CSMD1: variants seen among roughly 807,000 people sequenced by gnomAD.
CSMD1 encodes the protein CUB and Sushi multiple domains 1.
Under a neutral mutation model 417.5 loss-of-function variants are expected in CSMD1, and 213 were observed. The observed-to-expected ratio is 0.51, with a 90% confidence interval of 0.46 to 0.57. The LOEUF (loss-of-function observed/expected upper bound fraction) is 0.57. Among genes scored for constraint, CSMD1 ranks in the 20% least tolerant of loss-of-function variants. The probability of loss-of-function intolerance (pLI) is 0.00; values close to 1 mark genes in which losing one functional copy is unlikely to be tolerated. For missense variants in CSMD1, 6,923 were observed against 4,529.7 expected (o/e 1.53, Z -15.17); for synonymous variants, 2,862 against 1,736.8 (o/e 1.65, Z -16.11).
intron 1 of CSMD1, among the ~76,000 whole-genome samples, chr8:4,747,449 G>C (rs563638916): frequency 6.6e-6 from 1 of 152,128 alleles, no homozygotes; most frequent in Non-Finnish European, 1.5e-5. Flanking sequence ...TTATGTCAGA[G>C]AAAATTTAAG....
At chr8:3,143,970 C>G (rs1173056287) in intron 40 of CSMD1, among the ~76,000 whole-genome samples, 2 of 152,114 alleles carry the variant, frequency 1.3e-5, no homozygotes, top group Non-Finnish European at 2.9e-5. Context: ...CCTAAAATCT[C>G]TCAACAAAAT....
chr8:4,900,966 A>G (rs1804831224), intron 1 of CSMD1, among the ~76,000 whole-genome samples: 1 of 152,220 alleles, frequency 6.6e-6, no homozygotes, highest in Non-Finnish European at 1.5e-5. Context: ...GCAAGTCTTA[A>G]TAAATATATT....
chr8:4,390,497 T>TTTTATTTATTTATTTATTTATTTA (rs142679522), intron 3 of CSMD1, among the ~76,000 whole-genome samples: 2,668 of 140,330 alleles, frequency 0.019, 42 homozygotes, highest in Middle Eastern at 0.063. Flanking sequence ...AAGCGTCCAT[T>TTTTATTTATTTATTTATTTATTTA]TTTATTTATT....
chr8:2,984,399 AG>A (rs1805683076), intron 54 of CSMD1, among the ~76,000 whole-genome samples: 1 of 150,804 alleles, frequency 6.6e-6, no homozygotes, highest in South Asian at 2.1e-4. Flanking sequence ...CCCAGGCTGG[AG>A]TGCAGTGGCA....
intron 7 of CSMD1, among the ~76,000 whole-genome samples, chr8:3,634,478 G>A (rs1472950871): frequency 2.6e-5 from 4 of 152,194 alleles, no homozygotes; most frequent in Non-Finnish European, 4.4e-5. Context: ...TCTACTGGGA[G>A]TGGACAACCG....
intron 3 of CSMD1, among the ~76,000 whole-genome samples, chr8:4,157,022 T>C (rs973042851): frequency 6.6e-6 from 1 of 152,074 alleles, no homozygotes; most frequent in Non-Finnish European, 1.5e-5. Context: ...GGCCAGGCAT[T>C]GAGGGGCATG....
chr8:3,660,203 C>T lies in CSMD1; in HGVS notation c.1010-43406G>A, dbSNP rs532108737. On this transcript the variant is annotated intron_variant, in intron 7 of 69. Transcript: ENST00000635120. ...TGGTTTAGAGTGTGGGTTTGGGAGC[C>T]CGCAATTATCTACATTTGAAGCCTC... 9.9e-4 allele frequency among the ~76,000 whole-genome samples: 150 copies of T among 152,182 alleles called. 1 individual carries two copies. In the Middle Eastern group the frequency reaches 0.01, roughly 10 times the overall value.
In CSMD1 at chr8:3,301,099, T is replaced by C. The variant is rs555328732; in HGVS notation, c.3950+6596A>G. ...ATAAGACATTTGCCATTGATGTCTA[T>C]AGGGGAATAATACATGATTTCTTCA... is the stretch of plus-strand genomic sequence containing the variant. On this transcript the variant is annotated intron_variant, in intron 25 of 69. Transcript: ENST00000635120. 2.0e-5 allele frequency among the ~76,000 whole-genome samples: 3 copies of C among 152,090 alleles called. No individual in the cohort carries two copies. In the East Asian group the frequency reaches 5.8e-4, roughly 29 times the overall value.
chr8:4,672,861 G>A (rs965376011), intron 1 of CSMD1, among the ~76,000 whole-genome samples: 5 of 152,014 alleles, frequency 3.3e-5, no homozygotes, highest in Admixed American at 6.6e-5. Context: ...ACATATGCAT[G>A]CATACATGGT....
At chr8:3,503,401 G>C (rs1490784515) in intron 10 of CSMD1, among the ~76,000 whole-genome samples, 1 of 152,224 alleles carries the variant, frequency 6.6e-6, no homozygotes, top group South Asian at 2.1e-4. Flanking sequence ...AAAGCTGCTA[G>C]TGATTCAGGG....
At chr8:3,381,330 T>A (rs376915657) in intron 18 of CSMD1, among the ~76,000 whole-genome samples, 10 of 152,228 alleles carry the variant, frequency 6.6e-5, no homozygotes, top group East Asian at 1.9e-4. Context: ...TTGTCTATAG[T>A]CCAAATTAAC....
chr8:3,396,704 G>C (rs1437212312), intron 16 of CSMD1, among the ~76,000 whole-genome samples: 2 of 152,016 alleles, frequency 1.3e-5, no homozygotes, highest in African/African-American at 4.8e-5. Flanking sequence ...TAGATAGATA[G>C]ATAGACAAAT....
At chr8:3,222,342 G>T (rs994697992) in intron 28 of CSMD1, among the ~76,000 whole-genome samples, 3 of 151,518 alleles carry the variant, frequency 2.0e-5, no homozygotes, top group Non-Finnish European at 4.4e-5. Context: ...TAAAGCCAAG[G>T]TCTTGCTCTG....
At chr8:3,767,513 T>G (rs62479696) in intron 5 of CSMD1, among the ~76,000 whole-genome samples, 49,814 of 152,188 alleles carry the variant, frequency 0.33, 8,656 homozygotes, top group Non-Finnish European at 0.39. Flanking sequence ...AACTAAGGCT[T>G]AGATTATGCT....
chr8:3,272,924 T>C (rs1358546479), intron 26 of CSMD1, among the ~76,000 whole-genome samples: 6 of 149,140 alleles, frequency 4.0e-5, no homozygotes, highest in Non-Finnish European at 8.9e-5. Flanking sequence ...ACCCTTTATT[T>C]CCTTCTCCTG....
intron 8 of CSMD1, among the ~76,000 whole-genome samples, chr8:3,593,479 G>A (rs1800952130): frequency 1.3e-5 from 2 of 152,186 alleles, no homozygotes; most frequent in Non-Finnish European, 2.9e-5. Context: ...GGATGGAGGA[G>A]AGATGCCTGC....
intron 3 of CSMD1, among the ~76,000 whole-genome samples, chr8:4,286,332 T>G: frequency 6.6e-6 from 1 of 152,156 alleles, no homozygotes. Flanking sequence ...GAACATTCTT[T>G]TATTTTTAAA....
intron 1 of CSMD1, among the ~76,000 whole-genome samples, chr8:4,916,890 C>G (rs538365855): frequency 6.6e-6 from 1 of 152,324 alleles, no homozygotes; most frequent in Admixed American, 6.5e-5. Flanking sequence ...GTCAGCATTA[C>G]AGTTTTTGAC....
intron 3 of CSMD1, among the ~76,000 whole-genome samples, chr8:4,130,478 T>C (rs114680263): frequency 0.03 from 4,546 of 152,236 alleles, 229 homozygotes; most frequent in African/African-American, 0.1. Flanking sequence ...AGCTTTTGAG[T>C]GTACCCTGAG....
Sources: gnomAD v4.1 joint callset for allele counts (sites outside exome capture counted in the v4.1 genomes callset) on GRCh38, gnomAD v4.1.1 for gene constraint, MANE v1.5 for transcripts, NCBI Gene and HGNC (gene_info 2026-07-23, HGNC 2026-07-21) for gene names.